Variants in ARL10 observed in about 807,000 individuals in gnomAD.
ARL10 encodes ARF like GTPase 10, also known as ADP-ribosylation factor-like protein 10.
Under a neutral mutation model 26.1 loss-of-function variants are expected in ARL10, and 23 were observed. That is an observed-to-expected ratio of 0.88 (90% CI 0.63 to 1.25). The LOEUF (loss-of-function observed/expected upper bound fraction) is 1.25, where lower values mean the gene tolerates loss of function less well. Among genes scored for constraint, ARL10 ranks in the 50% most tolerant of loss-of-function variants. The pLI, the probability that ARL10 is intolerant of heterozygous loss-of-function variation, is 0.00. For synonymous variants in ARL10, 138 were observed against 149.1 expected (o/e 0.93, Z 0.54); for missense variants, 300 against 323.6 (o/e 0.93, Z 0.56).
At chr5:176,385,419 G>T, downstream of ARL10, 1 of 773,146 alleles carries the variant, frequency 1.3e-6, no homozygotes, top group Non-Finnish European at 2.3e-6. Context: ...CCACTCCCAA[G>T]CCACAAGACC....
the ARL10 span, among the ~76,000 whole-genome samples, chr5:176,411,695 A>G: frequency 0.44 from 67,036 of 151,962 alleles, 15,072 homozygotes; most frequent in African/African-American, 0.53. Context: ...GAACATAACA[A>G]GGACTCAATA....
Position 176,397,674 on chromosome 5 carries a change from T to G in ARL10, c.134-4067T>G, listed in dbSNP as rs745531281. The stretch of plus-strand genomic sequence containing the variant: ...TGGTTCCACTCCTCCAGGTCCTTCT[T>G]GGCCTTCTCCCGCCATTCCTGTTCC... On this transcript the variant is annotated intron_variant, in intron 1 of 1. Coordinates refer to the ARL10 transcript ENST00000514533. 7 of 1,613,728 alleles carry G rather than the reference T, an allele frequency of 4.3e-6. No individual in the cohort carries two copies. The South Asian group carries it at 7.7e-5, about 18-fold the overall frequency.
Position 176,368,811 on chromosome 5 carries a change from G to A in ARL10, c.390G>A (p.Gly130=), listed in dbSNP as rs1352518738. The A allele has an allele frequency of 6.2e-7, 1 of 1,609,804 alleles. No homozygotes were observed. The highest frequency in any genetic ancestry group is 1.1e-5 in the South Asian group (1 of 90,668). The part of the protein sequence containing the change: ...KDFEVDLLEI[G]GSQNLRFYWK... ...TGGCCCCTGGCCTCTCCTCAGTTGG[G>A]GGCAGCCAGAACCTGCGCTTCTACT... is the stretch of plus-strand genomic sequence containing the variant. The change falls in exon 3 of 4, where the codon GGG becomes GGA. Residue 130 remains glycine, a synonymous_variant. Coordinates refer to ENST00000310389, the MANE Select transcript of ARL10 (RefSeq NM_173664.6). The surrounding 1 kb of genome is among the most constrained non-coding windows in gnomAD (Gnocchi z 4.1).
At chr5:176,396,926 G>T (rs2113631736) in intron 1 of ARL10, among the ~76,000 whole-genome samples, 2 of 151,996 alleles carry the variant, frequency 1.3e-5, no homozygotes, top group African/African-American at 4.8e-5. Flanking sequence ...TCGTACCCAG[G>T]TCTAGAATGC....
downstream of ARL10, chr5:176,384,769 C>A: frequency 2.8e-6 from 1 of 354,564 alleles, no homozygotes; most frequent in Non-Finnish European, 5.1e-6. Context: ...GATTCTGTCT[C>A]AAAAAAAAGA....
intron 1 of ARL10, chr5:176,396,651 T>C (rs1756537369): frequency 1.3e-6 from 1 of 767,128 alleles, no homozygotes; most frequent in Non-Finnish European, 2.3e-6. Context: ...GTGGGAGAAA[T>C]GTTAGGAAGC....
At chr5:176,388,301 C>T in exon 2 of ARL10, 2 of 1,614,236 alleles carry the variant, frequency 1.2e-6, no homozygotes, top group Non-Finnish European at 1.7e-6. Flanking sequence ...CCAGGTTCTG[C>T]CGTACCGATT....
At chr5:176,412,130 C>A in the ARL10 span, among the ~76,000 whole-genome samples, 2 of 149,746 alleles carry the variant, frequency 1.3e-5, no homozygotes, top group African/African-American at 4.9e-5. Flanking sequence ...GAGCCGAGAT[C>A]CCGCCACTGC....
chr5:176,375,127 TCCACCCGTCCACCCATCCACCCAC>T lies in ARL10; in HGVS notation c.*3239_*3262del, dbSNP rs1469138550. On this transcript the variant is annotated 3_prime_UTR_variant, in exon 4 of 4. Coordinates refer to ENST00000310389, the MANE Select transcript of ARL10 (RefSeq NM_173664.6). ...ATCCATCCCTCCATCCGTCCACCCG[TCCACCCGTCCACCCATCCACCCAC>T]CCACCCATCCATCCACCCACCCACC... 7.5e-6 allele frequency: 1 copy of T among 133,848 alleles called. No homozygotes were observed. The highest frequency in any genetic ancestry group is 1.6e-5 in the Non-Finnish European group (1 of 62,342). 8.3% of individuals were successfully genotyped at this position (133,848 alleles called of 1,614,324 possible). A position where few individuals can be genotyped will look rare whatever the true frequency, so the allele number is the denominator to read the frequency against.
Position 176,375,126 on chromosome 5 carries a change from G to GTCCACCCGTCCACCCA in ARL10, c.*3239_*3254dup, listed in dbSNP as rs1768649986. 3.4e-5 allele frequency: 2 copies of GTCCACCCGTCCACCCA among 58,212 alleles called. No homozygotes were observed. The highest frequency in any genetic ancestry group is 7.5e-5 in the African/African-American group (1 of 13,378). 3.6% of individuals were successfully genotyped at this position (58,212 alleles called of 1,614,324 possible). ...CATCCATCCCTCCATCCGTCCACCC[G>GTCCACCCGTCCACCCA]TCCACCCGTCCACCCATCCACCCAC... On this transcript the variant is annotated 3_prime_UTR_variant, in exon 4 of 4. Transcript: ENST00000310389.
At chr5:176,407,162 GA>G in the ARL10 span, among the ~76,000 whole-genome samples, 1 of 152,218 alleles carries the variant, frequency 6.6e-6, no homozygotes, top group African/African-American at 2.4e-5. Flanking sequence ...GACAGGTCGG[GA>G]GGGAGAAGGC....
At chr5:176,410,219 G>A in the ARL10 span, 4 of 1,594,034 alleles carry the variant, frequency 2.5e-6, no homozygotes, top group Non-Finnish European at 3.4e-6. Context: ...GACCAGGGCT[G>A]TTGGTCCTTA....
chr5:176,411,942 T>C, the ARL10 span, among the ~76,000 whole-genome samples: 85 of 152,148 alleles, frequency 5.6e-4, 1 homozygote, highest in East Asian at 7.7e-4. Flanking sequence ...TTTGGGAGGC[T>C]GAGGTGGGCA....
rs979846266 is a variant in ARL10, at chr5:176,368,414, T to C, written c.386-393T>C. ...AGCCAGACAACCCAGGGGAGAGAACTGAAGACTTCCATTTACTGAGCACCT... is the reference window on the plus strand; with the variant it reads ...AGCCAGACAACCCAGGGGAGAGAACCGAAGACTTCCATTTACTGAGCACCT... On this transcript the variant is annotated intron_variant, in intron 2 of 3. Coordinates refer to ENST00000310389, the MANE Select transcript of ARL10 (RefSeq NM_173664.6). This position sits in a 1 kb window ranked among gnomAD's most constrained non-coding sequence, Gnocchi z 4.1. Among the ~76,000 whole-genome samples the C allele has an allele frequency of 2.0e-5, 3 of 152,032 alleles. No homozygotes were observed. In the South Asian group the frequency reaches 6.2e-4, roughly 31 times the overall value.
chr5:176,366,116 T>G (rs1768289335), intron 1 of ARL10, among the ~76,000 whole-genome samples: 1 of 152,158 alleles, frequency 6.6e-6, no homozygotes, highest in South Asian at 2.1e-4. Context: ...GGTGGGGATG[T>G]CGGGAGAAAC....
chr5:176,375,205 CA>C lies in ARL10; in HGVS notation c.*3311del, dbSNP rs1768658327. 1 of 122,690 alleles carries C rather than the reference CA, an allele frequency of 8.2e-6. No homozygotes were observed. Among genetic ancestry groups the C allele is most frequent in the African/African-American group, 3.1e-5 (1 of 32,074 alleles). 7.6% of individuals were successfully genotyped at this position (122,690 alleles called of 1,614,324 possible). A position where few individuals can be genotyped will look rare whatever the true frequency, so the allele number is the denominator to read the frequency against. The stretch of plus-strand genomic sequence containing the variant: ...CCATCCACCCATCCATCCATCCATC[CA>C]CTCATCCACCCATCCACCCATCCAT... On this transcript the variant is annotated 3_prime_UTR_variant, in exon 4 of 4. Coordinates refer to ENST00000310389, the MANE Select transcript of ARL10 (RefSeq NM_173664.6).
At chr5:176,406,383 G>T, downstream of ARL10, 1 of 1,136,472 alleles carries the variant, frequency 8.8e-7, no homozygotes, top group South Asian at 1.8e-5. Flanking sequence ...CCACCCATGA[G>T]AACCTCTGTG....
At chr5:176,393,450 G>A (rs775353962), downstream of ARL10, among the ~76,000 whole-genome samples, 8 of 152,206 alleles carry the variant, frequency 5.3e-5, no homozygotes, top group Non-Finnish European at 8.8e-5. The surrounding 1 kb of genome is among the most constrained non-coding windows in gnomAD (Gnocchi z 4.4). Context: ...TTCTGTGTGA[G>A]GATTCTCCAG....
At chr5:176,398,119 G>T in intron 1 of ARL10, 1 of 1,381,794 alleles carries the variant, frequency 7.2e-7, no homozygotes, top group South Asian at 1.2e-5. Flanking sequence ...CCCTGCTGGG[G>T]ACCCACTCAT....
Sources: allele counts gnomAD v4.1 joint callset (sites outside exome capture counted in the v4.1 genomes callset), GRCh38; gene constraint gnomAD v4.1.1; non-coding constraint Gnocchi (gnomAD v3.1); transcripts MANE v1.5; gene names NCBI Gene and HGNC (gene_info 2026-07-23, HGNC 2026-07-21).